Variants in PARD3B observed in about 807,000 individuals in gnomAD.
PARD3B encodes the protein partitioning defective 3 homolog B.
In PARD3B, 103 loss-of-function variants were observed where a neutral mutation model predicts 130.2. The ratio of observed to expected loss-of-function variants is 0.79; its 90% CI spans 0.67 to 0.93. PARD3B has a LOEUF of 0.93. Ranked by LOEUF, PARD3B falls within the 40% of genes least tolerant of loss-of-function variation. PARD3B has a pLI of 0.00. For synonymous variants in PARD3B, 583 were observed against 553.2 expected, an observed-to-expected ratio of 1.05 and a Z score of -0.76; for missense variants, 1,609 against 1,499.2, an observed-to-expected ratio of 1.07 and a Z score of -1.21.
intron 18 of PARD3B, among the ~76,000 whole-genome samples, chr2:205,364,983 C>T (rs559549541): frequency 1.4e-4 from 21 of 152,030 alleles, no homozygotes; most frequent in African/African-American, 4.3e-4. Context: ...GAGTAGATCA[C>T]GAGGTCAGGA....
intron 3 of PARD3B, among the ~76,000 whole-genome samples, chr2:204,992,063 C>A (rs1175959471): frequency 6.6e-6 from 1 of 151,986 alleles, no homozygotes; most frequent in Non-Finnish European, 1.5e-5. Context: ...TTTTGCTGTG[C>A]AGAAGCTCTT....
chr2:204,739,063 A>G (rs961857389), intron 2 of PARD3B, among the ~76,000 whole-genome samples: 4 of 152,090 alleles, frequency 2.6e-5, no homozygotes, highest in South Asian at 4.1e-4. Flanking sequence ...TTGGGAGACA[A>G]TTTTTTAAAT....
chr2:205,208,720 G>C (rs930081335), intron 15 of PARD3B, among the ~76,000 whole-genome samples: 2 of 144,668 alleles, frequency 1.4e-5, no homozygotes, highest in African/African-American at 2.7e-5. Context: ...AAATAAAAGA[G>C]GATACAAACA....
chr2:205,609,991 ATTTCT>A (rs2055172924), intron 22 of PARD3B, among the ~76,000 whole-genome samples: 1 of 152,192 alleles, frequency 6.6e-6, no homozygotes, highest in Non-Finnish European at 1.5e-5. Flanking sequence ...ATTACAAATG[ATTTCT>A]TTTAATAAAT....
At chr2:205,150,784 T>C (rs185815730) in intron 10 of PARD3B, among the ~76,000 whole-genome samples, 24 of 152,194 alleles carry the variant, frequency 1.6e-4, no homozygotes, top group Non-Finnish European at 2.4e-4. Context: ...GGATACAGTA[T>C]AGTATGGCAG....
chr2:205,302,308 T>C (rs1488089104), intron 18 of PARD3B, among the ~76,000 whole-genome samples: 3 of 151,774 alleles, frequency 2.0e-5, no homozygotes, highest in Non-Finnish European at 4.4e-5. Flanking sequence ...TCAAGTGATC[T>C]GCCTTGTCTG....
chr2:204,560,449 G>C (rs999552391), intron 1 of PARD3B, among the ~76,000 whole-genome samples: 1 of 152,066 alleles, frequency 6.6e-6, no homozygotes, highest in Non-Finnish European at 1.5e-5. Flanking sequence ...TATGATCAAG[G>C]TGCTTTGGGG....
chr2:205,110,775 A>G (rs923377786), intron 5 of PARD3B, among the ~76,000 whole-genome samples: 16 of 152,044 alleles, frequency 1.1e-4, no homozygotes, highest in African/African-American at 3.4e-4. Flanking sequence ...CCTCTAAAAC[A>G]TAAACATAAA....
chr2:205,214,726 C>T (rs1331755196), intron 15 of PARD3B, among the ~76,000 whole-genome samples: 1 of 151,954 alleles, frequency 6.6e-6, no homozygotes. Context: ...ATTAAAAGGC[C>T]CTACGTTCGC....
At chr2:205,129,390 G>A (rs941567701) in intron 10 of PARD3B, among the ~76,000 whole-genome samples, 5 of 152,206 alleles carry the variant, frequency 3.3e-5, no homozygotes, top group African/African-American at 1.2e-4. Context: ...TCATAGTGTG[G>A]CATACACCGG....
intron 20 of PARD3B, among the ~76,000 whole-genome samples, chr2:205,465,946 C>T (rs929055069): frequency 3.3e-5 from 5 of 152,206 alleles, no homozygotes; most frequent in African/African-American, 1.2e-4. Flanking sequence ...AGGAGGTGGT[C>T]AGCTTCCATG....
chr2:205,184,625 C>T (rs890323643), intron 13 of PARD3B, among the ~76,000 whole-genome samples: 1 of 151,948 alleles, frequency 6.6e-6, no homozygotes, highest in Non-Finnish European at 1.5e-5. Flanking sequence ...GCCTGTAGTT[C>T]CAGCTATTCG....
chr2:205,104,507 A>G lies in PARD3B; in HGVS notation c.586A>G (p.Thr196Ala), dbSNP rs757843124. ...ELLTSPRTKDTLSDMTRTVEI... is the reference protein window; with the variant it reads ...ELLTSPRTKDALSDMTRTVEI... ...ACTAACTTCGCCAAGAACTAAGGAC[A>G]CATTGAGGTATTCTCTTTATACAGA... Residue 196 changes from threonine (T) to alanine (A), a missense_variant, in exon 5 of 23, where the codon ACA (threonine) becomes GCA (alanine). Physicochemically the swap from Thr to Ala is moderately conservative, Grantham distance 58 (BLOSUM62 0). Transcript: ENST00000406610. 2 of 1,533,950 alleles carry G rather than the reference A, an allele frequency of 1.3e-6. No homozygotes were observed. Among genetic ancestry groups the G allele is most frequent in the Admixed American group, 1.7e-5 (1 of 59,872 alleles).
chr2:205,487,137 G>A (rs1251944033), intron 20 of PARD3B, among the ~76,000 whole-genome samples: 1 of 152,120 alleles, frequency 6.6e-6, no homozygotes, highest in African/African-American at 2.4e-5. Context: ...TTTGGAGAAT[G>A]TATATCCTTT....
In PARD3B at chr2:205,269,513, C is replaced by G. The variant is rs1349843348; in HGVS notation, c.2185+23691C>G. On this transcript the variant is annotated intron_variant, in intron 16 of 22. Coordinates refer to ENST00000406610, the MANE Select transcript of PARD3B (RefSeq NM_001302769.2). The surrounding 1 kb of genome is among the most constrained non-coding windows in gnomAD (Gnocchi z 4.7). The stretch of plus-strand genomic sequence containing the variant: ...ACTTTTATATTCAGGAATTTATATT[C>G]AGGAATTTCACTGATTTTTTTTTAA... Among the ~76,000 whole-genome samples the G allele has an allele frequency of 1.3e-5, 2 of 151,980 alleles. No individual in the cohort carries two copies. Among genetic ancestry groups the G allele is most frequent in the East Asian group, 3.9e-4 (2 of 5,194 alleles).
chr2:205,614,319 C>G (rs2055342693), intron 22 of PARD3B, among the ~76,000 whole-genome samples: 1 of 152,166 alleles, frequency 6.6e-6, no homozygotes, highest in Non-Finnish European at 1.5e-5. Flanking sequence ...TTACAAGGTA[C>G]AACTTACAGC....
chr2:204,935,534 G>A (rs909577741), intron 2 of PARD3B, among the ~76,000 whole-genome samples: 8 of 151,292 alleles, frequency 5.3e-5, no homozygotes, highest in East Asian at 1.9e-4. Context: ...GCAAGACTCC[G>A]TCTCAAAAAC....
chr2:205,549,278 G>A (rs1033703602), intron 21 of PARD3B, among the ~76,000 whole-genome samples: 12 of 152,076 alleles, frequency 7.9e-5, no homozygotes, highest in African/African-American at 2.2e-4. Context: ...TCCAGCAATC[G>A]CCTTCCTTAG....
intron 19 of PARD3B, among the ~76,000 whole-genome samples, chr2:205,403,110 T>C (rs1378874902): frequency 6.6e-6 from 1 of 152,188 alleles, no homozygotes; most frequent in Non-Finnish European, 1.5e-5. Context: ...AAAAATAGAA[T>C]AGAGTAAGAA....
Sources: gnomAD v4.1 joint callset for allele counts (sites outside exome capture counted in the v4.1 genomes callset) on GRCh38, gnomAD v4.1.1 for gene constraint, Gnocchi (gnomAD v3.1) non-coding constraint, MANE v1.5 for transcripts, NCBI Gene and HGNC (gene_info 2026-07-23, HGNC 2026-07-21) for gene names.